The following MALRD1 variants were observed in gnomAD, a reference collection of about 807,000 sequenced individuals.
MALRD1 encodes the protein MAM and LDL receptor class A domain containing 1.
In MALRD1, 247 loss-of-function variants were observed where a neutral mutation model predicts 242.1. The observed-to-expected ratio is 1.02, with a 90% confidence interval of 0.92 to 1.13. The LOEUF is 1.13. Among genes scored for constraint, MALRD1 ranks in the 50% most tolerant of loss-of-function variants. The pLI, the probability that MALRD1 is intolerant of heterozygous loss-of-function variation, is 0.00. For synonymous variants in MALRD1, 995 were observed against 866.6 expected (o/e 1.15, Z -2.60); for missense variants, 2,989 against 2,533.1 (o/e 1.18, Z -3.86).
chr10:19,505,753 C>T (rs1052358985), intron 31 of MALRD1, among the ~76,000 whole-genome samples: 6 of 152,226 alleles, frequency 3.9e-5, no homozygotes, highest in South Asian at 2.1e-4. Context: ...CACAACTGCT[C>T]GCATAAATGG....
At position 19,655,534 on chromosome 10, in the gene MALRD1, A is replaced by G. The variant is rs1410834933; in HGVS notation, c.6138-36748A>G. ...TGTACATATATATGTGTGAGTGTAT[A>G]TATATATATATATATATATATATAT... On this transcript the variant is annotated intron_variant, in intron 36 of 39. Transcript: ENST00000454679. Among the ~76,000 whole-genome samples the G allele has an allele frequency of 1.9e-3, 36 of 19,050 alleles. 1 individual carries two copies. The highest frequency in any genetic ancestry group is 5.6e-3 in the Admixed American group (8 of 1,430). The allele number at this position is 19,050 out of a possible 152,430, so 12.5% of individuals were successfully genotyped here.
At chr10:19,587,538 A>G (rs995664403) in intron 33 of MALRD1, among the ~76,000 whole-genome samples, 3 of 152,372 alleles carry the variant, frequency 2.0e-5, no homozygotes, top group East Asian at 3.8e-4. Context: ...TGGAACTTGT[A>G]TGAAATTCTT....
chr10:19,573,289 TA>T (rs974410972), intron 33 of MALRD1, among the ~76,000 whole-genome samples: 5 of 152,070 alleles, frequency 3.3e-5, no homozygotes, highest in African/African-American at 9.7e-5. Context: ...GGCCCTCTCC[TA>T]GGAGGGACTC....
At position 19,109,672 on chromosome 10, in the gene MALRD1, T is replaced by G. The variant is rs1184107903; in HGVS notation, c.694+5597T>G. Among the ~76,000 whole-genome samples, 3 of 152,180 alleles carry G rather than the reference T, an allele frequency of 2.0e-5. No individual in the cohort carries two copies. In the East Asian group the frequency reaches 5.8e-4, roughly 29 times the overall value. On this transcript the variant is annotated intron_variant, in intron 5 of 39. Coordinates refer to ENST00000454679, the MANE Select transcript of MALRD1 (RefSeq NM_001142308.3). ...ACTACCAAGTGGGAGCACAGTGTAG[T>G]GCCAGCAGATCCTCATGGATGGGGA...
chr10:19,107,704 G>C (rs1310834322), intron 5 of MALRD1, among the ~76,000 whole-genome samples: 1 of 149,366 alleles, frequency 6.7e-6, no homozygotes, highest in Non-Finnish European at 1.5e-5. Flanking sequence ...GTAGAAATTT[G>C]TTTCTTTCTT....
At chr10:19,285,111 C>CT (rs1427331434) in intron 21 of MALRD1, among the ~76,000 whole-genome samples, 1 of 135,182 alleles carries the variant, frequency 7.4e-6, no homozygotes, top group Non-Finnish European at 1.6e-5. Flanking sequence ...TTGTTTTTTT[C>CT]TTGTAAATTT....
At chr10:19,637,187 C>A (rs1260495770) in intron 36 of MALRD1, among the ~76,000 whole-genome samples, 1 of 152,004 alleles carries the variant, frequency 6.6e-6, no homozygotes, top group African/African-American at 2.4e-5. Context: ...CATATGTCAA[C>A]CTAACAAATA....
At chr10:19,410,319 A>AT (rs140822994) in intron 28 of MALRD1, among the ~76,000 whole-genome samples, 3,081 of 152,220 alleles carry the variant, frequency 0.02, 98 homozygotes, top group African/African-American at 0.07. Flanking sequence ...TTTAGTATAG[A>AT]TTTTTTATTC....
At chr10:19,582,080 T>G (rs1403032282) in intron 33 of MALRD1, among the ~76,000 whole-genome samples, 1 of 151,994 alleles carries the variant, frequency 6.6e-6, no homozygotes, top group Non-Finnish European at 1.5e-5. Context: ...TTTGTTTTTT[T>G]CTTGTAAATT....
At chr10:19,185,639 A>G (rs1023218021) in intron 14 of MALRD1, among the ~76,000 whole-genome samples, 2 of 152,208 alleles carry the variant, frequency 1.3e-5, no homozygotes, top group Non-Finnish European at 2.9e-5. Context: ...TAATAGAGAC[A>G]AAGTCATTTT....
At chr10:19,604,502 T>G (rs1332269132) in intron 34 of MALRD1, among the ~76,000 whole-genome samples, 1 of 152,164 alleles carries the variant, frequency 6.6e-6, no homozygotes, top group Admixed American at 6.5e-5. Context: ...GAGGTTGGTT[T>G]ATGAAGTTGA....
At chr10:19,551,099 G>T (rs542126529) in intron 32 of MALRD1, among the ~76,000 whole-genome samples, 1 of 152,126 alleles carries the variant, frequency 6.6e-6, no homozygotes, top group African/African-American at 2.4e-5. Flanking sequence ...ATTGTTGGCT[G>T]CATGTAGGTC....
Position 19,494,277 on chromosome 10 carries a change from A to G in MALRD1, c.5158+2632A>G, listed in dbSNP as rs377251732. ...TGGAAACATGCAGAAAATAATTCTA[A>G]TGACTGTACTCAATCTACACTGAAG... is the stretch of plus-strand genomic sequence containing the variant. On this transcript the variant is annotated intron_variant, in intron 30 of 39. Transcript: ENST00000454679. Among the ~76,000 whole-genome samples, 5 of 150,144 alleles carry G rather than the reference A, an allele frequency of 3.3e-5. No individual in the cohort carries two copies. The East Asian group carries it at 9.9e-4, about 30-fold the overall frequency.
chr10:19,417,469 G>A (rs1833554766), intron 28 of MALRD1, among the ~76,000 whole-genome samples: 1 of 151,952 alleles, frequency 6.6e-6, no homozygotes, highest in African/African-American at 2.4e-5. Flanking sequence ...ACCAGGAGAG[G>A]GGACTATTTG....
At chr10:19,366,989 A>T (rs1017252293) in intron 26 of MALRD1, among the ~76,000 whole-genome samples, 2 of 152,132 alleles carry the variant, frequency 1.3e-5, no homozygotes, top group Non-Finnish European at 2.9e-5. Flanking sequence ...AAATTTTTTT[A>T]AATTGCCACA....
intron 2 of MALRD1, among the ~76,000 whole-genome samples, chr10:19,081,283 T>A (rs555968781): frequency 2.6e-5 from 4 of 151,992 alleles, no homozygotes; most frequent in Admixed American, 2.6e-4. Flanking sequence ...CAAATAAATA[T>A]AAACGATTCT....
chr10:19,480,156 A>ATT (rs1428074478), intron 29 of MALRD1, among the ~76,000 whole-genome samples: 1 of 152,212 alleles, frequency 6.6e-6, no homozygotes, highest in Non-Finnish European at 1.5e-5. Flanking sequence ...TTATCGTGAG[A>ATT]TTGCTCATGA....
chr10:19,456,025 T>C lies in MALRD1; in HGVS notation c.5029+5535T>C, dbSNP rs546263519. On this transcript the variant is annotated intron_variant, in intron 29 of 39. Transcript: ENST00000454679. ...ACCTCAGGGTAGAATCCAATAATGGTATAAGATGTTGCCTTTTCAACTGAA... is the reference window on the plus strand; with the variant it reads ...ACCTCAGGGTAGAATCCAATAATGGCATAAGATGTTGCCTTTTCAACTGAA... Among the ~76,000 whole-genome samples the C allele has an allele frequency of 5.9e-5, 9 of 152,234 alleles. No homozygotes were observed. In the East Asian group the frequency reaches 1.7e-3, roughly 29 times the overall value.
chr10:19,595,117 G>T, intron 33 of MALRD1, 77 bp from the exon 34 acceptor site: 1 of 1,346,102 alleles, frequency 7.4e-7, no homozygotes, highest in Non-Finnish European at 9.9e-7. Context: ...AATAAGAAAT[G>T]CAACCTGTAA....
Sources: allele counts gnomAD v4.1 joint callset (sites outside exome capture counted in the v4.1 genomes callset), GRCh38; gene constraint gnomAD v4.1.1; transcripts MANE v1.5; gene names NCBI Gene and HGNC (gene_info 2026-07-23, HGNC 2026-07-21).